The following ZNF385D variants were observed in gnomAD, a reference collection of about 807,000 sequenced individuals.
ZNF385D encodes zinc finger protein 659.
In ZNF385D, 15 loss-of-function variants were observed where a neutral mutation model predicts 35.8. The ratio of observed to expected loss-of-function variants is 0.42; its 90% CI spans 0.28 to 0.64. The LOEUF (loss-of-function observed/expected upper bound fraction) is 0.64, where lower values mean the gene tolerates loss of function less well. ZNF385D is among the 30% of genes least tolerant of loss of function. The probability of loss-of-function intolerance (pLI) is 0.23; values close to 1 mark genes in which losing one functional copy is unlikely to be tolerated. For missense variants in ZNF385D, 474 were observed against 494.6 expected (o/e 0.96, Z 0.39); for synonymous variants, 212 against 186.8 (o/e 1.13, Z -1.10).
chr3:22,363,575 T>C (rs1390193131), intron 2 of ZNF385D, among the ~76,000 whole-genome samples: 2 of 152,164 alleles, frequency 1.3e-5, no homozygotes, highest in African/African-American at 4.8e-5. Context: ...AAACATTTTT[T>C]TCAGATTCAG....
At chr3:22,103,209 G>A (rs1222354255) in intron 3 of ZNF385D, among the ~76,000 whole-genome samples, 3 of 65,620 alleles carry the variant, frequency 4.6e-5, no homozygotes, top group Admixed American at 2.7e-4. Flanking sequence ...ACTAGCCCTG[G>A]GGCCATTTTT....
chr3:22,173,552 A>C (rs1393617965), intron 2 of ZNF385D, among the ~76,000 whole-genome samples: 8 of 152,180 alleles, frequency 5.3e-5, no homozygotes, highest in Admixed American at 5.2e-4. Context: ...GAACCTCTTG[A>C]GAACTTGTGT....
chr3:22,236,279 C>T (rs1699180127), intron 2 of ZNF385D, among the ~76,000 whole-genome samples: 1 of 152,068 alleles, frequency 6.6e-6, no homozygotes, highest in Non-Finnish European at 1.5e-5. Flanking sequence ...TATATAGAAG[C>T]ATTTCAAGTT....
At chr3:22,153,294 C>T (rs1705372679) in intron 3 of ZNF385D, among the ~76,000 whole-genome samples, 1 of 152,004 alleles carries the variant, frequency 6.6e-6, no homozygotes, top group African/African-American at 2.4e-5. Flanking sequence ...CTCCTATCAC[C>T]TGCTGGGCTG....
intron 2 of ZNF385D, among the ~76,000 whole-genome samples, chr3:21,584,222 G>GA (rs1559431972): frequency 1.1e-4 from 17 of 151,900 alleles, no homozygotes; most frequent in Non-Finnish European, 2.5e-4. Flanking sequence ...CAAGTGATCC[G>GA]CCCACCTTGG....
intron 3 of ZNF385D, among the ~76,000 whole-genome samples, chr3:22,154,254 A>T (rs1705443013): frequency 6.6e-6 from 1 of 152,156 alleles, no homozygotes; most frequent in Non-Finnish European, 1.5e-5. Context: ...TCTATCAGAT[A>T]ATAGGATATT....
At chr3:21,885,073 G>A (rs779127524) in intron 3 of ZNF385D, among the ~76,000 whole-genome samples, 13 of 151,880 alleles carry the variant, frequency 8.6e-5, no homozygotes, top group African/African-American at 2.9e-4. Flanking sequence ...GCTGTTTAAA[G>A]AAAAACTTAC....
At chr3:22,245,560 G>A (rs1576555682) in intron 2 of ZNF385D, among the ~76,000 whole-genome samples, 1 of 151,426 alleles carries the variant, frequency 6.6e-6, no homozygotes, top group African/African-American at 2.4e-5. Flanking sequence ...CTCCTTAATT[G>A]GTATTTTAAA....
chr3:22,019,855 C>T (rs1445611532), intron 3 of ZNF385D, among the ~76,000 whole-genome samples: 4 of 151,746 alleles, frequency 2.6e-5, no homozygotes, highest in Non-Finnish European at 5.9e-5. Flanking sequence ...AAACCAAGCA[C>T]AGGGTCCTCT....
At chr3:22,309,443 G>A (rs1268129703) in intron 2 of ZNF385D, among the ~76,000 whole-genome samples, 4 of 152,016 alleles carry the variant, frequency 2.6e-5, no homozygotes, top group Admixed American at 6.6e-5. Flanking sequence ...TCACTTCTAA[G>A]GGTGAAAATA....
At chr3:22,089,784 TA>T (rs1452554197) in intron 3 of ZNF385D, among the ~76,000 whole-genome samples, 1 of 152,182 alleles carries the variant, frequency 6.6e-6, no homozygotes, top group Non-Finnish European at 1.5e-5. Flanking sequence ...GAGTCTTTAT[TA>T]TGACTAACAA....
At chr3:22,073,281 A>C (rs1439729100) in intron 3 of ZNF385D, among the ~76,000 whole-genome samples, 1 of 151,772 alleles carries the variant, frequency 6.6e-6, no homozygotes, top group Non-Finnish European at 1.5e-5. Flanking sequence ...TTTATTTTCT[A>C]AATTACTTTA....
At chr3:21,956,634 A>G (rs929925360) in intron 3 of ZNF385D, among the ~76,000 whole-genome samples, 11 of 152,052 alleles carry the variant, frequency 7.2e-5, no homozygotes, top group African/African-American at 2.7e-4. Flanking sequence ...TGGTTAATGC[A>G]TCCTCTGCCT....
chr3:21,909,733 C>G (rs1301510138), intron 3 of ZNF385D, among the ~76,000 whole-genome samples: 3 of 151,872 alleles, frequency 2.0e-5, no homozygotes, highest in Non-Finnish European at 4.4e-5. Context: ...AAATTCCAGA[C>G]CTTTAACTAT....
chr3:21,591,361 T>G (rs1398595621), intron 2 of ZNF385D, among the ~76,000 whole-genome samples: 1 of 152,136 alleles, frequency 6.6e-6, no homozygotes, highest in Non-Finnish European at 1.5e-5. Flanking sequence ...TGTTTGTCCC[T>G]CTATCACTTA....
chr3:21,865,628 G>A (rs928808776), intron 3 of ZNF385D, among the ~76,000 whole-genome samples: 1 of 152,070 alleles, frequency 6.6e-6, no homozygotes, highest in Non-Finnish European at 1.5e-5. Context: ...GGAGAGCAGA[G>A]AGCTGAACAC....
intron 3 of ZNF385D, among the ~76,000 whole-genome samples, chr3:21,544,553 T>C (rs2062304380): frequency 6.6e-6 from 1 of 152,122 alleles, no homozygotes; most frequent in African/African-American, 2.4e-5. Flanking sequence ...TTGGAAAAAT[T>C]CTGGAAATTA....
At chr3:21,645,357 G>A (rs2065720348) in intron 2 of ZNF385D, among the ~76,000 whole-genome samples, 1 of 152,120 alleles carries the variant, frequency 6.6e-6, no homozygotes, top group Non-Finnish European at 1.5e-5. Context: ...AAGATGCCTG[G>A]GAAGTCAGAA....
chr3:21,428,396 A>G (rs1332068913), intron 5 of ZNF385D, among the ~76,000 whole-genome samples: 1 of 152,112 alleles, frequency 6.6e-6, no homozygotes, highest in Non-Finnish European at 1.5e-5. Context: ...CATTACTTGA[A>G]GTCCCTGGCA....
Sources: gnomAD v4.1 joint callset for allele counts (sites outside exome capture counted in the v4.1 genomes callset) on GRCh38, gnomAD v4.1.1 for gene constraint, MANE v1.5 for transcripts, NCBI Gene and HGNC (gene_info 2026-07-23, HGNC 2026-07-21) for gene names.